Variants in CERS6 observed in about 807,000 individuals in gnomAD.
CERS6 encodes the protein LAG1 homolog, ceramide synthase 6.
A neutral mutation model predicts 56.8 loss-of-function variants in CERS6; 26 were observed. That is an observed-to-expected ratio of 0.46 (90% CI 0.34 to 0.63). CERS6 has a LOEUF of 0.63. Among genes scored for constraint, CERS6 ranks in the 30% least tolerant of loss-of-function variants. The pLI, the probability that CERS6 is intolerant of heterozygous loss-of-function variation, is 0.01. For missense variants in CERS6, 415 were observed against 467.5 expected, an observed-to-expected ratio of 0.89 and a Z score of 1.04; for synonymous variants, 164 against 173.3, an observed-to-expected ratio of 0.95 and a Z score of 0.42.
intron 1 of CERS6, among the ~76,000 whole-genome samples, chr2:168,509,735 C>T (rs1377572225): frequency 2.0e-5 from 3 of 152,146 alleles, no homozygotes; most frequent in African/African-American, 7.2e-5. Context: ...AGAAAGACTG[C>T]ATTAAGGCCA....
intron 1 of CERS6, among the ~76,000 whole-genome samples, chr2:168,525,485 T>A (rs897590147): frequency 5.3e-5 from 8 of 152,260 alleles, no homozygotes; most frequent in Non-Finnish European, 1.0e-4. Context: ...GAGTCTGCAT[T>A]TTTAATATAT....
At chr2:168,494,696 G>A (rs747967972) in intron 1 of CERS6, among the ~76,000 whole-genome samples, 3 of 152,082 alleles carry the variant, frequency 2.0e-5, no homozygotes, top group Non-Finnish European at 4.4e-5. Context: ...TTGATTGAGG[G>A]GACTTATATA....
chr2:168,501,710 A>G (rs1467452577), intron 1 of CERS6, among the ~76,000 whole-genome samples: 8 of 152,204 alleles, frequency 5.3e-5, no homozygotes, highest in African/African-American at 1.4e-4. Context: ...GATTTCATCA[A>G]TCTGCTCAAC....
chr2:168,519,126 A>G (rs1694934801), intron 1 of CERS6, among the ~76,000 whole-genome samples: 1 of 152,186 alleles, frequency 6.6e-6, no homozygotes, highest in Admixed American at 6.5e-5. Context: ...TAACTAATTG[A>G]ACAGTAATTT....
rs531077608 is a variant in CERS6 at position 168,467,045 on chromosome 2, C to A, written c.170+10427C>A. On this transcript the variant is annotated intron_variant, in intron 1 of 9. Transcript: ENST00000305747. ...TCTTTCTTTCCTTTCCTCGATTCCT[C>A]CCCCACCTTCCTTCCCTCTCTTCTT... Among the ~76,000 whole-genome samples, 21 of 151,820 alleles carry A rather than the reference C, an allele frequency of 1.4e-4. 1 individual carries two copies. Among genetic ancestry groups the A allele is most frequent in the African/African-American group, 4.9e-4 (20 of 41,072 alleles).
At chr2:168,545,086 C>T (rs1574055807) in intron 1 of CERS6, among the ~76,000 whole-genome samples, 1 of 152,028 alleles carries the variant, frequency 6.6e-6, no homozygotes, top group East Asian at 1.9e-4. Context: ...TAAATACATA[C>T]ATGTATTTGT....
intron 1 of CERS6, among the ~76,000 whole-genome samples, chr2:168,538,715 G>A (rs1198087992): frequency 6.6e-6 from 1 of 152,184 alleles, no homozygotes; most frequent in Non-Finnish European, 1.5e-5. Context: ...CTAGAGCAGG[G>A]CTGATACATA....
chr2:168,589,988 G>A (rs753676523), intron 3 of CERS6, among the ~76,000 whole-genome samples: 1 of 152,192 alleles, frequency 6.6e-6, no homozygotes, highest in African/African-American at 2.4e-5. Context: ...TGAAGACCTA[G>A]CTAGACAAAA....
chr2:168,640,297 AGTCCCT>A (rs2105305718), intron 4 of CERS6, among the ~76,000 whole-genome samples: 1 of 152,350 alleles, frequency 6.6e-6, no homozygotes, highest in Non-Finnish European at 1.5e-5. Context: ...CATACAAAGC[AGTCCCT>A]GCATGTTGCT....
intron 1 of CERS6, among the ~76,000 whole-genome samples, chr2:168,489,917 G>A (rs544847250): frequency 2.8e-4 from 42 of 152,276 alleles, no homozygotes; most frequent in African/African-American, 9.9e-4. Flanking sequence ...CATTGTGTAT[G>A]TTATGTGGTA....
chr2:168,725,581 A>G (rs1260875483), intron 8 of CERS6, among the ~76,000 whole-genome samples: 1 of 152,252 alleles, frequency 6.6e-6, no homozygotes, highest in African/African-American at 2.4e-5. Context: ...TTTCAAATAC[A>G]TACTTATTTT....
chr2:168,457,348 T>C (rs1693690774), intron 1 of CERS6, among the ~76,000 whole-genome samples: 1 of 152,228 alleles, frequency 6.6e-6, no homozygotes, highest in Non-Finnish European at 1.5e-5. Flanking sequence ...ACTTCTTTTT[T>C]GGTACTCGAA....
rs139867638 is a variant in CERS6, at chr2:168,595,537, C to T, written c.407+34215C>T. 2.1e-3 allele frequency among the ~76,000 whole-genome samples: 327 copies of T among 152,312 alleles called. 2 individuals carry two copies. Among genetic ancestry groups the T allele is most frequent in the Non-Finnish European group, 4.0e-3 (272 of 68,022 alleles). On this transcript the variant is annotated intron_variant, in intron 3 of 9. Coordinates refer to ENST00000305747, the MANE Select transcript of CERS6 (RefSeq NM_203463.3). The stretch of plus-strand genomic sequence containing the variant: ...TCTTTTTTAATCCTGAATCTCCTTA[C>T]ATTGGATTATGTATAATACCAATTT...
At chr2:168,671,738 T>A (rs527887976) in intron 4 of CERS6, among the ~76,000 whole-genome samples, 1 of 152,314 alleles carries the variant, frequency 6.6e-6, no homozygotes, top group East Asian at 1.9e-4. Flanking sequence ...AGTCATTCTT[T>A]CAGGATGTAT....
intron 1 of CERS6, among the ~76,000 whole-genome samples, chr2:168,538,264 C>T (rs541305491): frequency 3.4e-4 from 52 of 151,106 alleles, no homozygotes; most frequent in African/African-American, 1.2e-3. Flanking sequence ...AAAAAAGTCC[C>T]TAAAATGGCC....
In CERS6 at chr2:168,679,425, G is replaced by T. The variant is rs530730246; in HGVS notation, c.466-11609G>T. Among the ~76,000 whole-genome samples, 18 of 152,174 alleles carry T rather than the reference G, an allele frequency of 1.2e-4. 1 individual carries two copies. The highest frequency in any genetic ancestry group is 3.4e-3 in the Middle Eastern group (1 of 294). On this transcript the variant is annotated intron_variant, in intron 4 of 9. Coordinates refer to ENST00000305747, the MANE Select transcript of CERS6 (RefSeq NM_203463.3). ...TCTACACGTGTTAAAACATCAAATTGTACTCCATAAGTATGTACAATTACA... is the reference window on the plus strand; with the variant it reads ...TCTACACGTGTTAAAACATCAAATTTTACTCCATAAGTATGTACAATTACA...
intron 8 of CERS6, among the ~76,000 whole-genome samples, chr2:168,728,988 C>A (rs1027466945): frequency 2.2e-5 from 3 of 138,698 alleles, no homozygotes; most frequent in Middle Eastern, 4.2e-3. Flanking sequence ...CCAGCCTGGC[C>A]GACAGAGCGA....
At chr2:168,585,588 C>T (rs1374370331) in intron 3 of CERS6, among the ~76,000 whole-genome samples, 1 of 152,218 alleles carries the variant, frequency 6.6e-6, no homozygotes, top group African/African-American at 2.4e-5. Context: ...AAGGTCTTTT[C>T]ACCATGCCTG....
intron 1 of CERS6, among the ~76,000 whole-genome samples, chr2:168,544,739 T>C (rs1695432898): frequency 1.3e-5 from 2 of 152,162 alleles, no homozygotes; most frequent in African/African-American, 4.8e-5. Context: ...ACCCTCTGCT[T>C]TTCCTTTTAA....
Sources: gnomAD v4.1 joint callset for allele counts (sites outside exome capture counted in the v4.1 genomes callset) on GRCh38, gnomAD v4.1.1 for gene constraint, MANE v1.5 for transcripts, NCBI Gene and HGNC (gene_info 2026-07-23, HGNC 2026-07-21) for gene names.